MEMO1: variants seen among roughly 807,000 people sequenced by gnomAD.
MEMO1 encodes mediator of cell motility 1.
Under a neutral mutation model 45.2 loss-of-function variants are expected in MEMO1, and 6 were observed. The ratio of observed to expected loss-of-function variants is 0.13; its 90% CI spans 0.07 to 0.26. The LOEUF (loss-of-function observed/expected upper bound fraction) is 0.26. Ranked by LOEUF, MEMO1 falls within the 10% of genes least tolerant of loss-of-function variation. The pLI is 1.00. For synonymous variants in MEMO1, 78 were observed against 124.3 expected, an observed-to-expected ratio of 0.63 and a Z score of 2.48; for missense variants, 184 against 370.5, an observed-to-expected ratio of 0.50 and a Z score of 4.13.
chr2:31,966,732 C>CAAAAAAAAAAAAAAAAAAAAAAA (rs758359349), intron 2 of MEMO1, among the ~76,000 whole-genome samples: 6 of 117,838 alleles, frequency 5.1e-5, no homozygotes, highest in South Asian at 5.4e-4. Flanking sequence ...GACTCTGTCT[C>CAAAAAAAAAAAAAAAAAAAAAAA]AAAAAAAAAA....
chr2:31,963,927 C>A (rs190436196), intron 2 of MEMO1, among the ~76,000 whole-genome samples: 76 of 152,190 alleles, frequency 5.0e-4, no homozygotes, highest in Non-Finnish European at 8.4e-4. Context: ...AAAAAGAATG[C>A]AATATACTTC....
intron 2 of MEMO1, among the ~76,000 whole-genome samples, chr2:31,972,809 C>T (rs1040337098): frequency 6.6e-6 from 1 of 152,076 alleles, no homozygotes. Context: ...TACAACTCAA[C>T]AACAAAAGAG....
intron 3 of MEMO1, among the ~76,000 whole-genome samples, chr2:31,941,568 C>T (rs559631732): frequency 1.5e-4 from 23 of 152,318 alleles, no homozygotes; most frequent in African/African-American, 5.5e-4. Flanking sequence ...ACTCAAAATG[C>T]AGCACAAAGA....
intron 2 of MEMO1, among the ~76,000 whole-genome samples, chr2:31,955,600 GTTTA>G (rs1423959479): frequency 2.0e-5 from 3 of 151,896 alleles, no homozygotes; most frequent in Admixed American, 1.3e-4. Context: ...AACTATCCAT[GTTTA>G]TTTCTTTTTT....
intron 8 of MEMO1, among the ~76,000 whole-genome samples, chr2:31,876,404 C>T (rs1321532723): frequency 6.6e-6 from 1 of 152,142 alleles, no homozygotes; most frequent in Non-Finnish European, 1.5e-5. Context: ...CCATCATTTA[C>T]CTTTTTAGGT....
chr2:31,906,673 G>C (rs577547070), intron 6 of MEMO1, among the ~76,000 whole-genome samples: 20 of 152,086 alleles, frequency 1.3e-4, no homozygotes, highest in Non-Finnish European at 2.5e-4. Context: ...CCTTTGCTAA[G>C]AACTTTTATT....
chr2:31,971,160 G>C (rs1275053385), intron 2 of MEMO1, among the ~76,000 whole-genome samples: 2 of 152,134 alleles, frequency 1.3e-5, no homozygotes, highest in African/African-American at 4.8e-5. Context: ...CCATCTGCAG[G>C]ATATGTTTGC....
At chr2:31,939,488 G>A (rs1004851935) in intron 3 of MEMO1, among the ~76,000 whole-genome samples, 1 of 152,108 alleles carries the variant, frequency 6.6e-6, no homozygotes, top group Non-Finnish European at 1.5e-5. Context: ...AAGGAAACAA[G>A]TCTGGCTACT....
At chr2:31,944,737 T>G (rs770036034) in intron 2 of MEMO1, among the ~76,000 whole-genome samples, 1 of 152,182 alleles carries the variant, frequency 6.6e-6, no homozygotes, top group Non-Finnish European at 1.5e-5. Context: ...TTAATTTCCC[T>G]TCAACTACCC....
chr2:31,911,363 T>G (rs1680544053), intron 6 of MEMO1, among the ~76,000 whole-genome samples: 1 of 152,106 alleles, frequency 6.6e-6, no homozygotes, highest in South Asian at 2.1e-4. Flanking sequence ...TACTAGGCAC[T>G]CAGGGAGAGG....
At chr2:31,906,716 T>G (rs1679803354) in intron 6 of MEMO1, among the ~76,000 whole-genome samples, 1 of 152,164 alleles carries the variant, frequency 6.6e-6, no homozygotes, top group South Asian at 2.1e-4. Flanking sequence ...AAAATACAAG[T>G]ATTTTACAAC....
intron 2 of MEMO1, among the ~76,000 whole-genome samples, chr2:31,993,568 A>G (rs1478704967): frequency 6.6e-6 from 1 of 152,214 alleles, no homozygotes; most frequent in Non-Finnish European, 1.5e-5. Context: ...TCTGGAGAAG[A>G]GGAAGCTAAA....
Position 32,006,367 on chromosome 2 carries a change from G to A in MEMO1, c.61+3820C>T, listed in dbSNP as rs988412974. ...GGATGAAAGCGGTAGCAAATCTGGAGAAAACAGACTACATTTAGATTATGT... is the reference window on the plus strand; with the variant it reads ...GGATGAAAGCGGTAGCAAATCTGGAAAAAACAGACTACATTTAGATTATGT... On this transcript the variant is annotated intron_variant, in intron 2 of 9. Transcript: ENST00000404530. Among the ~76,000 whole-genome samples, 7 of 152,150 alleles carry A rather than the reference G, an allele frequency of 4.6e-5. No homozygotes were observed. The South Asian group carries it at 1.2e-3, about 27-fold the overall frequency.
At chr2:31,974,032 T>C (rs2148472593) in intron 2 of MEMO1, among the ~76,000 whole-genome samples, 1 of 152,312 alleles carries the variant, frequency 6.6e-6, no homozygotes, top group East Asian at 1.9e-4. Context: ...TAGGAGTTCA[T>C]AAGTGTGATA....
chr2:31,928,022 C>G (rs905440556), intron 4 of MEMO1, among the ~76,000 whole-genome samples: 4 of 152,240 alleles, frequency 2.6e-5, no homozygotes, highest in African/African-American at 9.6e-5. Flanking sequence ...CACTGTGTCT[C>G]TAGCACTACC....
intron 2 of MEMO1, among the ~76,000 whole-genome samples, chr2:31,987,305 A>G (rs554744839): frequency 2.0e-5 from 3 of 152,194 alleles, no homozygotes; most frequent in Non-Finnish European, 4.4e-5. Context: ...GGACCAACAA[A>G]TGTTTTGTTA....
chr2:31,877,314 T>A (rs2147908382), intron 8 of MEMO1, among the ~76,000 whole-genome samples: 1 of 152,296 alleles, frequency 6.6e-6, no homozygotes, highest in South Asian at 2.1e-4. Context: ...CAGCTGTTCA[T>A]CCAAGGAGGC....
intron 2 of MEMO1, 114 bp from the exon 3 acceptor site, chr2:31,943,497 A>G: frequency 1.3e-6 from 1 of 766,094 alleles, no homozygotes. Flanking sequence ...TTAATGCGCA[A>G]TAGGATCATC....
intron 3 of MEMO1, among the ~76,000 whole-genome samples, chr2:31,938,406 G>C (rs940011185): frequency 4.6e-5 from 7 of 151,880 alleles, no homozygotes; most frequent in Non-Finnish European, 8.8e-5. Context: ...CAGCACTTTG[G>C]GAGGCCGAGG....
Sources: gnomAD v4.1 joint callset for allele counts (sites outside exome capture counted in the v4.1 genomes callset) on GRCh38, gnomAD v4.1.1 for gene constraint, MANE v1.5 for transcripts, NCBI Gene and HGNC (gene_info 2026-07-23, HGNC 2026-07-21) for gene names.